Variants in KRT17 observed in about 807,000 individuals in gnomAD.
The protein encoded by KRT17 is keratin 17, also known as keratin, type I cytoskeletal 17.
KRT17 carries 29 observed loss-of-function variants against 45.6 expected under a neutral mutation model. The observed-to-expected ratio is 0.64, with a 90% CI of 0.47 to 0.87. KRT17 has a LOEUF of 0.87. KRT17 is among the 40% of genes least tolerant of loss of function. KRT17 has a pLI of 0.00. For synonymous variants in KRT17, 219 were observed against 234.6 expected, an observed-to-expected ratio of 0.93 and a Z score of 0.61; for missense variants, 536 against 577.8, an observed-to-expected ratio of 0.93 and a Z score of 0.74.
chr17:41,619,673 T>C lies in KRT17; in HGVS notation c.1220A>G (p.Gln407Arg), dbSNP rs200282135. 6.2e-7 allele frequency: 1 copy of C among 1,612,208 alleles called. No individual in the cohort carries two copies. The highest frequency in any genetic ancestry group is 8.5e-7 in the Non-Finnish European group (1 of 1,179,998). The part of the protein sequence containing the change: ...QYKKEPVTTR[Q>R]VRTIVEEVQD... ...GACCTCTTCCACAATGGTACGCACCTGACGGGTGGTCACCGCTGCAGGAGA... is the reference window on the plus strand; with the variant it reads ...GACCTCTTCCACAATGGTACGCACCCGACGGGTGGTCACCGCTGCAGGAGA... The change falls in exon 8 of 8, where the codon CAG (glutamine) becomes CGG (arginine). Residue 407 changes from glutamine to arginine, a missense_variant. Transcript: ENST00000311208.
rs775474574 is a variant in KRT17 at position 41,624,160 on chromosome 17, C to T, written c.350G>A (p.Arg117His). 31 of 1,612,210 alleles carry T rather than the reference C, an allele frequency of 1.9e-5. No individual in the cohort carries two copies. Among genetic ancestry groups the T allele is most frequent in the East Asian group, 1.3e-4 (6 of 44,866 alleles). Residue 117 changes from arginine (R) to histidine (H), a missense_variant, in exon 1 of 8, where the codon CGT becomes CAT. Coordinates refer to ENST00000311208, the MANE Select transcript of KRT17 (RefSeq NM_000422.3). ...CGGGGCCTGCCTCTGGTACCAGTCA[C>T]GGATCTTCACCTCCAGCTCAGTGTT... is the stretch of plus-strand genomic sequence containing the variant. The part of the protein sequence containing the change: ...EANTELEVKI[R>H]DWYQRQAPGP...
chr17:41,624,019 C>T lies in KRT17; in HGVS notation c.432+59G>A, dbSNP rs1027993198. The T allele has an allele frequency of 1.1e-3, 1,810 of 1,610,270 alleles. 4 individuals carry two copies. The highest frequency in any genetic ancestry group is 1.4e-3 in the Non-Finnish European group (1,678 of 1,178,512). ...CTGGACTCCAGGCCTTTGGCCAAGG[C>T]AGGAGTTGGGGGGAAGAAGTCATGC... is the stretch of plus-strand genomic sequence containing the variant. On this transcript the variant is annotated intron_variant, in intron 1 of 7. Coordinates refer to ENST00000311208, the MANE Select transcript of KRT17 (RefSeq NM_000422.3).
Position 41,621,766 on chromosome 17 carries a change from G to A in KRT17, c.673-12C>T. The A allele has an allele frequency of 6.2e-7, 1 of 1,612,016 alleles. No homozygotes were observed. The highest frequency in any genetic ancestry group is 8.5e-7 in the Non-Finnish European group (1 of 1,179,858). On this transcript the variant is annotated splice_polypyrimidine_tract_variant and intron_variant, in intron 3 of 7. Coordinates refer to ENST00000311208, the MANE Select transcript of KRT17 (RefSeq NM_000422.3). ...AGGGCGTTCATCTCCTATGGAAAAAGGGGATGTGGATGTGCGCATCTGGAC... is the reference window on the plus strand; with the variant it reads ...AGGGCGTTCATCTCCTATGGAAAAAAGGGATGTGGATGTGCGCATCTGGAC...
chr17:41,620,494 C>T (rs1908498247), intron 7 of KRT17, 42 bp downstream of exon 7: 2 of 1,611,916 alleles, frequency 1.2e-6, no homozygotes, highest in Non-Finnish European at 1.7e-6. Context: ...CTGCCTGTCC[C>T]ATGCACCCAA....
intron 6 of KRT17, 25 bp downstream of exon 6, chr17:41,620,634 C>T (rs1908504007): frequency 1.2e-6 from 2 of 1,611,828 alleles, no homozygotes; most frequent in Admixed American, 3.3e-5. Flanking sequence ...GACCCCCAGC[C>T]CTGACCCCAG....
chr17:41,622,954 T>C lies in KRT17; in HGVS notation c.511A>G (p.Thr171Ala), dbSNP rs1908595767. The C allele has an allele frequency of 2.5e-6, 4 of 1,611,990 alleles. No homozygotes were observed. The highest frequency in any genetic ancestry group is 1.3e-5 in the African/African-American group (1 of 74,848). ...AAGGCCACAGCTAGGACTCACTTGG[T>C]GCGGAAGTCATCAGCAGCCAGACGG... Reference protein sequence around the residue: ...NARLAADDFRTKFETEQALRL... With the variant: ...NARLAADDFRAKFETEQALRL... The change falls in exon 2 of 8, where the codon ACC becomes GCC. Residue 171 changes from threonine (T) to alanine (A), a missense_variant. Thr to Ala is a moderately conservative substitution (Grantham distance 58, BLOSUM62 0). Transcript: ENST00000311208.
chr17:41,623,181 C>T, intron 1 of KRT17, 149 bp from the exon 2 acceptor site: 1 of 671,750 alleles, frequency 1.5e-6, no homozygotes. Flanking sequence ...GAGGGGCAAA[C>T]AGGAGTCTGA....
intron 2 of KRT17, 171 bp downstream of exon 2, chr17:41,622,779 A>G: frequency 6.9e-6 from 5 of 723,008 alleles, no homozygotes; most frequent in Non-Finnish European, 1.2e-5. Flanking sequence ...CAACCTTCAG[A>G]ACTGGCTGCC....
rs145738125 is a variant in KRT17, at chr17:41,620,981, C to A, written c.945G>T (p.Gln315His). 35 of 1,614,220 alleles carry A rather than the reference C, an allele frequency of 2.2e-5. No individual in the cohort carries two copies. The African/African-American group carries it at 4.3e-4, about 20-fold the overall frequency. Residue 315 changes from glutamine to histidine, a missense_variant, in exon 5 of 8, where the codon CAG becomes CAT. Coordinates refer to ENST00000311208, the MANE Select transcript of KRT17 (RefSeq NM_000422.3). ...RTMQALEIELQSQLSMKASLE... is the reference protein window; with the variant it reads ...RTMQALEIELHSQLSMKASLE... ...CTGTTCCTACCATGCTGAGCTGGGACTGCAGCTCTATCTCCAAGGCCTGCA... is the reference window on the plus strand; with the variant it reads ...CTGTTCCTACCATGCTGAGCTGGGAATGCAGCTCTATCTCCAAGGCCTGCA...
At position 41,622,963 on chromosome 17, in the gene KRT17, C is replaced by T. The variant is rs1400904986; in HGVS notation, c.502G>A (p.Asp168Asn). ...GCTAGGACTCACTTGGTGCGGAAGT[C>T]ATCAGCAGCCAGACGGGCATTGTCA... ...QIDNARLAAD[D>N]FRTKFETEQA... Residue 168 changes from aspartate (D) to asparagine (N), a missense_variant, in exon 2 of 8, where the codon GAC becomes AAC. Coordinates refer to ENST00000311208, the MANE Select transcript of KRT17 (RefSeq NM_000422.3). The T allele has an allele frequency of 2.5e-6, 4 of 1,612,716 alleles. No individual in the cohort carries two copies. Among genetic ancestry groups the T allele is most frequent in the Non-Finnish European group, 3.4e-6 (4 of 1,179,712 alleles).
rs150564761 is a variant in KRT17, at chr17:41,620,713, C to T, written c.1127G>A (p.Arg376Gln). ...EYKILLDVKT[R>Q]LEQEIATYRR... ...GTAGGTGGCAATCTCCTGCTCCAGC[C>T]GCGTCTTCACATCCAGCAGGATTTT... Residue 376 changes from arginine (R) to glutamine (Q), a missense_variant, in exon 6 of 8, where the codon CGG becomes CAG. Arg to Gln is a conservative substitution (Grantham distance 43). Coordinates refer to ENST00000311208, the MANE Select transcript of KRT17 (RefSeq NM_000422.3). 142 of 1,612,252 alleles carry T rather than the reference C, an allele frequency of 8.8e-5. No individual in the cohort carries two copies. The African/African-American group carries it at 1.3e-3, about 15-fold the overall frequency.
At chr17:41,621,291 C>T (rs1457105298) in intron 4 of KRT17, among the ~76,000 whole-genome samples, 200 bp from the exon 5 acceptor site, 1 of 152,248 alleles carries the variant, frequency 6.6e-6, no homozygotes, top group Non-Finnish European at 1.5e-5. Context: ...AACTTGAGAA[C>T]AAGCCAGAAC....
intron 7 of KRT17, 152 bp downstream of exon 7, chr17:41,620,384 G>A: frequency 6.3e-7 from 1 of 1,576,646 alleles, no homozygotes. Context: ...CTTTTCCTGA[G>A]TATCAATCCT....
intron 7 of KRT17, 32 bp from the exon 8 acceptor site, chr17:41,619,720 A>G (rs1440196153): frequency 6.2e-7 from 1 of 1,611,790 alleles, no homozygotes; most frequent in Non-Finnish European, 8.5e-7. Flanking sequence ...TAAAGTGGGT[A>G]GGGGCCAGGA....
rs547257458 is a variant in KRT17 at position 41,624,411 on chromosome 17, G to T, written c.99C>A (p.Gly33=). ...GSSRTSCRLS[G]GLGAGSCRLG... ...GCCTGCAGGAGCCGGCACCCAGGCC[G>T]CCAGACAGCCGGCAGGAGGTGCGGG... The change falls in exon 1 of 8, where the codon GGC becomes GGA. Residue 33 remains glycine (G), a synonymous_variant. Transcript: ENST00000311208. 1.2e-6 allele frequency: 2 copies of T among 1,610,242 alleles called. No homozygotes were observed. The highest frequency in any genetic ancestry group is 8.5e-7 in the Non-Finnish European group (1 of 1,179,432).
In KRT17 at chr17:41,624,492, G is replaced by A. The variant is rs748998080; in HGVS notation, c.18C>T (p.Arg6=). Residue 6 remains arginine (R), a synonymous_variant, in exon 1 of 8, where the codon CGC becomes CGT. Coordinates refer to ENST00000311208, the MANE Select transcript of KRT17 (RefSeq NM_000422.3). MTTSI[R]QFTSSSSIKG... Reference sequence around the variant, plus strand: ...TGATGGAGCTGGAGGAGGTGAACTGGCGGATGGAGGTGGTCATGGTGGCGG... The same window carrying A: ...TGATGGAGCTGGAGGAGGTGAACTGACGGATGGAGGTGGTCATGGTGGCGG... 42 of 1,610,106 alleles carry A rather than the reference G, an allele frequency of 2.6e-5. No homozygotes were observed. In the Admixed American group the frequency reaches 7.0e-4, roughly 27 times the overall value.
At position 41,620,879 on chromosome 17, in the gene KRT17, T is replaced by C; in HGVS notation, c.961A>G (p.Lys321Glu). The part of the protein sequence containing the change: ...EIELQSQLSM[K>E]ASLEGNLAET... ...GCCAGGTTGCCCTCCAGGGATGCTT[T>C]CTGCAGGAGGGCAGGAAGACCAGGG... Residue 321 changes from lysine to glutamate, a missense_variant and splice_region_variant, in exon 6 of 8, where the codon AAA becomes GAA. Transcript: ENST00000311208. 6.2e-7 allele frequency: 1 copy of C among 1,613,998 alleles called. No individual in the cohort carries two copies. The highest frequency in any genetic ancestry group is 8.5e-7 in the Non-Finnish European group (1 of 1,179,876).
chr17:41,624,125 G>A lies in KRT17; in HGVS notation c.385C>T (p.Arg129Cys), dbSNP rs374327168. Residue 129 changes from arginine (R) to cysteine (C), a missense_variant, in exon 1 of 8, where the codon CGT becomes TGT. By Grantham distance (180) the Arg-to-Cys change is radical. Transcript: ENST00000311208. The stretch of plus-strand genomic sequence containing the variant: ...GTCCTGTAGTACTGGCTGTAGTCAC[G>A]GGCGGGCCCCGGGGCCTGCCTCTGG... ...WYQRQAPGPA[R>C]DYSQYYRTIE... 1.2e-5 allele frequency: 20 copies of A among 1,612,108 alleles called. No homozygotes were observed. Among genetic ancestry groups the A allele is most frequent in the Admixed American group, 1.7e-5 (1 of 60,022 alleles).
chr17:41,620,792 C>T lies in KRT17; in HGVS notation c.1048G>A (p.Glu350Lys). The change falls in exon 6 of 8, where the codon GAG becomes AAG. Residue 350 changes from glutamate (E) to lysine (K), a missense_variant. Glu to Lys is a moderately conservative substitution (Grantham distance 56). Transcript: ENST00000311208. ...SQIQGLIGSVEEQLAQLRCEM... is the reference protein window; with the variant it reads ...SQIQGLIGSVKEQLAQLRCEM... ...CAGCGAAGCTGGGCCAGCTGCTCCT[C>T]CACGCTGCCAATCAGCCCCTGGATC... The T allele has an allele frequency of 6.2e-7, 1 of 1,613,100 alleles. No homozygotes were observed. Among genetic ancestry groups the T allele is most frequent in the Non-Finnish European group, 8.5e-7 (1 of 1,179,870 alleles).
Sources: gnomAD v4.1 joint callset for allele counts (sites outside exome capture counted in the v4.1 genomes callset) on GRCh38, gnomAD v4.1.1 for gene constraint, MANE v1.5 for transcripts, NCBI Gene and HGNC (gene_info 2026-07-23, HGNC 2026-07-21) for gene names.